Variants in QRSL1 observed in about 807,000 individuals in gnomAD.
The protein encoded by QRSL1 is glutaminyl-tRNA amidotransferase subunit QRSL1, also known as glutamyl-tRNA(Gln) amidotransferase subunit A, mitochondrial.
Under a neutral mutation model 61.6 loss-of-function variants are expected in QRSL1, and 54 were observed. The observed-to-expected ratio is 0.88, with a 90% confidence interval of 0.70 to 1.10. The LOEUF is 1.10. Among genes scored for constraint, QRSL1 ranks in the 50% least tolerant of loss-of-function variants. The probability of loss-of-function intolerance (pLI) is 0.00; values close to 1 mark genes in which losing one functional copy is unlikely to be tolerated. For synonymous variants in QRSL1, 228 were observed against 225.7 expected (o/e 1.01, Z -0.09); for missense variants, 505 against 622.6 (o/e 0.81, Z 2.01).
At position 106,652,311 on chromosome 6, in the gene QRSL1, C is replaced by T; in HGVS notation, c.660C>T (p.Leu220=). 6.2e-7 allele frequency: 1 copy of T among 1,614,184 alleles called. No homozygotes were observed. The highest frequency in any genetic ancestry group is 1.1e-5 in the South Asian group (1 of 91,080). Residue 220 remains leucine, a synonymous_variant, in exon 6 of 11, where the codon CTC becomes CTT. Coordinates refer to ENST00000369046, the MANE Select transcript of QRSL1 (RefSeq NM_018292.5). ...PSYGLVSRHG[L]IPLVNSMDVP... ...ATGGCTTAGTTTCCCGTCATGGTCT[C>T]ATTCCCCTGGTGAATTCGATGGATG...
At chr6:106,650,254 GTTTTAC>G (rs1402439916) in intron 5 of QRSL1, among the ~76,000 whole-genome samples, 3 of 152,122 alleles carry the variant, frequency 2.0e-5, no homozygotes, top group African/African-American at 7.2e-5. Flanking sequence ...GGAAATGTAA[GTTTTAC>G]TTTTACATAG....
chr6:106,640,080 T>A (rs529592256), intron 1 of QRSL1: 1 of 302,344 alleles, frequency 3.3e-6, no homozygotes, highest in East Asian at 7.4e-5. Context: ...TTTACCTAAC[T>A]TACTGCCGTT....
At chr6:106,660,587 G>A (rs901788415) in intron 9 of QRSL1, among the ~76,000 whole-genome samples, 1 of 151,922 alleles carries the variant, frequency 6.6e-6, no homozygotes, top group Non-Finnish European at 1.5e-5. Context: ...TGTTTAAGAA[G>A]GCAGAGTGTC....
At chr6:106,664,593 C>T (rs1777404710) in intron 10 of QRSL1, among the ~76,000 whole-genome samples, 1 of 152,180 alleles carries the variant, frequency 6.6e-6, no homozygotes, top group African/African-American at 2.4e-5. Context: ...GTTAAGAGCC[C>T]AGTCCACTTG....
At chr6:106,644,292 T>C (rs1283481840) in intron 4 of QRSL1, among the ~76,000 whole-genome samples, 7 of 152,166 alleles carry the variant, frequency 4.6e-5, no homozygotes, top group African/African-American at 1.7e-4. Context: ...CAGCAAAGTG[T>C]TGGGAGGCAA....
intron 8 of QRSL1, 138 bp from the exon 9 acceptor site, chr6:106,655,477 T>C (rs1282457297): frequency 5.3e-6 from 3 of 564,046 alleles, no homozygotes; most frequent in Non-Finnish European, 9.6e-6. Context: ...ATTACACCAC[T>C]GCACTCCAGC....
At chr6:106,646,598 G>T (rs1310687667) in intron 4 of QRSL1, among the ~76,000 whole-genome samples, 1 of 151,642 alleles carries the variant, frequency 6.6e-6, no homozygotes, top group Non-Finnish European at 1.5e-5. Context: ...AGGAGTCCTA[G>T]ATCAGCCTGG....
intron 3 of QRSL1, among the ~76,000 whole-genome samples, chr6:106,642,259 T>C (rs922822787): frequency 6.6e-6 from 1 of 152,224 alleles, no homozygotes. Flanking sequence ...TTTCTCCACA[T>C]TGGCCAGGCT....
In QRSL1 at chr6:106,649,102, A is replaced by G; in HGVS notation, c.458A>G (p.Lys153Arg). 1 of 1,614,224 alleles carries G rather than the reference A, an allele frequency of 6.2e-7. No individual in the cohort carries two copies. The highest frequency in any genetic ancestry group is 8.5e-7 in the Non-Finnish European group (1 of 1,180,022). ...SYSKQYREKRKQNPHSENEDS... is the reference protein window; with the variant it reads ...SYSKQYREKRRQNPHSENEDS... The stretch of plus-strand genomic sequence containing the variant: ...TCAAAACAATATAGAGAAAAGAGGA[A>G]GCAGAATCCCCACAGCGAGAATGAA... Residue 153 changes from lysine (K) to arginine (R), a missense_variant, in exon 5 of 11, where the codon AAG becomes AGG. Coordinates refer to ENST00000369046, the MANE Select transcript of QRSL1 (RefSeq NM_018292.5).
chr6:106,657,660 G>A (rs1449265764), intron 9 of QRSL1, among the ~76,000 whole-genome samples: 3 of 152,082 alleles, frequency 2.0e-5, no homozygotes, highest in African/African-American at 4.8e-5. Context: ...AATGGGATTC[G>A]GAATACTTTT....
intron 1 of QRSL1, among the ~76,000 whole-genome samples, chr6:106,632,295 A>G (rs973860849): frequency 6.6e-6 from 1 of 152,192 alleles, no homozygotes; most frequent in Admixed American, 6.5e-5. Flanking sequence ...TGTCTTTGCT[A>G]TGTTGATTTT....
intron 9 of QRSL1, among the ~76,000 whole-genome samples, chr6:106,661,120 G>GT (rs67485757): frequency 0.15 from 22,954 of 151,062 alleles, 2,215 homozygotes; most frequent in South Asian, 0.26. Flanking sequence ...GTTTTGTTTT[G>GT]TTTTTTTTTG....
intron 7 of QRSL1, chr6:106,653,137 T>C (rs2114711870): frequency 1.2e-5 from 2 of 167,016 alleles, no homozygotes; most frequent in South Asian, 3.4e-4. Flanking sequence ...TCTATTACAG[T>C]AGCAATTGAG....
At chr6:106,639,420 G>T (rs536116104) in intron 1 of QRSL1, among the ~76,000 whole-genome samples, 6 of 152,080 alleles carry the variant, frequency 3.9e-5, no homozygotes, top group African/African-American at 1.4e-4. Flanking sequence ...CACTGCGCCC[G>T]GCCAGTGTGG....
At chr6:106,651,501 C>T (rs1183291887) in intron 5 of QRSL1, among the ~76,000 whole-genome samples, 1 of 152,148 alleles carries the variant, frequency 6.6e-6, no homozygotes, top group Non-Finnish European at 1.5e-5. Context: ...ATATCAGAAA[C>T]TTATGTGCAC....
chr6:106,647,897 T>G (rs1400283987), intron 4 of QRSL1, among the ~76,000 whole-genome samples: 12 of 150,312 alleles, frequency 8.0e-5, no homozygotes, highest in African/African-American at 2.4e-4. Flanking sequence ...TGTTCCGCCC[T>G]CCTCGGCCTC....
chr6:106,662,923 T>C, intron 9 of QRSL1, 57 bp from the exon 10 acceptor site: 2 of 1,383,480 alleles, frequency 1.4e-6, no homozygotes, highest in Non-Finnish European at 2.0e-6. Flanking sequence ...GTAAGATAAT[T>C]GATTAAAAGA....
intron 1 of QRSL1, among the ~76,000 whole-genome samples, chr6:106,639,119 G>T (rs13218334): frequency 0.7 from 85,473 of 122,946 alleles, 27,810 homozygotes; most frequent in Admixed American, 0.73. Context: ...GTGTTTTGTT[G>T]TTTTTTTTTT....
At chr6:106,647,992 A>G (rs541028049) in intron 4 of QRSL1, among the ~76,000 whole-genome samples, 72 of 150,828 alleles carry the variant, frequency 4.8e-4, no homozygotes, top group Non-Finnish European at 9.9e-4. Flanking sequence ...AATTACATAC[A>G]GTAGATTCGA....
Sources: allele counts gnomAD v4.1 joint callset (sites outside exome capture counted in the v4.1 genomes callset), GRCh38; gene constraint gnomAD v4.1.1; transcripts MANE v1.5; gene names NCBI Gene and HGNC (gene_info 2026-07-23, HGNC 2026-07-21).